HCN1: variants seen among roughly 807,000 people sequenced by gnomAD.
HCN1 encodes potassium/sodium hyperpolarization-activated cyclic nucleotide-gated channel 1.
In HCN1, 13 loss-of-function variants were observed where a neutral mutation model predicts 78.9. That is an observed-to-expected ratio of 0.16 (90% CI 0.11 to 0.26). The LOEUF is 0.26. Among genes scored for constraint, HCN1 ranks in the 10% least tolerant of loss-of-function variants. The probability of loss-of-function intolerance (pLI) is 1.00; values close to 1 mark genes in which losing one functional copy is unlikely to be tolerated. For synonymous variants in HCN1, 552 were observed against 455.5 expected, an observed-to-expected ratio of 1.21 and a Z score of -2.70; for missense variants, 810 against 1,154.3, an observed-to-expected ratio of 0.70 and a Z score of 4.32.
chr5:45,313,126 A>C (rs1234044477), intron 5 of HCN1, among the ~76,000 whole-genome samples: 2 of 152,202 alleles, frequency 1.3e-5, no homozygotes, highest in African/African-American at 4.8e-5. Flanking sequence ...CAGTAGGGGC[A>C]GACTGACACC....
At chr5:45,298,830 T>G (rs1028249057) in intron 6 of HCN1, among the ~76,000 whole-genome samples, 1 of 151,892 alleles carries the variant, frequency 6.6e-6, no homozygotes, top group Non-Finnish European at 1.5e-5. Context: ...AAAAATTAAC[T>G]TTACAATGGA....
At chr5:45,263,598 A>G (rs1744793755) in intron 7 of HCN1, among the ~76,000 whole-genome samples, 1 of 152,086 alleles carries the variant, frequency 6.6e-6, no homozygotes, top group Non-Finnish European at 1.5e-5. Context: ...CTTTTGACCC[A>G]GTGTCTTACA....
At chr5:45,470,075 A>G (rs1741360406) in intron 2 of HCN1, among the ~76,000 whole-genome samples, 1 of 152,052 alleles carries the variant, frequency 6.6e-6, no homozygotes, top group South Asian at 2.1e-4. Flanking sequence ...AAAAACTGTT[A>G]AGATGAAAGC....
intron 2 of HCN1, among the ~76,000 whole-genome samples, chr5:45,500,587 T>G (rs1260223561): frequency 6.6e-6 from 1 of 152,204 alleles, no homozygotes; most frequent in African/African-American, 2.4e-5. Context: ...TATTTTACAA[T>G]ATAGTTTAAA....
At chr5:45,289,341 A>G (rs1463940832) in intron 6 of HCN1, among the ~76,000 whole-genome samples, 1 of 152,070 alleles carries the variant, frequency 6.6e-6, no homozygotes, top group East Asian at 1.9e-4. Context: ...AAGTATATTA[A>G]AAATAAAATT....
chr5:45,395,789 A>G (rs1292757716), intron 4 of HCN1, among the ~76,000 whole-genome samples: 1 of 152,192 alleles, frequency 6.6e-6, no homozygotes, highest in Non-Finnish European at 1.5e-5. Flanking sequence ...TTTGGTCAAG[A>G]ATATTAGTAC....
At position 45,511,760 on chromosome 5, in the gene HCN1, G is replaced by C. The variant is rs561629808; in HGVS notation, c.850-49753C>G. 1.6e-4 allele frequency among the ~76,000 whole-genome samples: 25 copies of C among 152,108 alleles called. No individual in the cohort carries two copies. In the South Asian group the frequency reaches 4.8e-3, roughly 29 times the overall value. On this transcript the variant is annotated intron_variant, in intron 2 of 7. Transcript: ENST00000303230. ...TTTGGTTGGGATCCCAGAAGAGAAA[G>C]AGGACGTTAGACTAAAAAACTAAGC...
chr5:45,319,387 G>T (rs896304989), intron 5 of HCN1, among the ~76,000 whole-genome samples: 11 of 151,816 alleles, frequency 7.2e-5, no homozygotes, highest in African/African-American at 2.7e-4. Context: ...TGGGTAAGTC[G>T]ACATATCTGA....
intron 5 of HCN1, among the ~76,000 whole-genome samples, chr5:45,311,117 T>C (rs1745844199): frequency 6.6e-6 from 1 of 152,152 alleles, no homozygotes; most frequent in Admixed American, 6.5e-5. Context: ...TATCTCCATG[T>C]TCATCTATTT....
chr5:45,687,709 T>C (rs1739835846), intron 1 of HCN1, among the ~76,000 whole-genome samples: 1 of 152,172 alleles, frequency 6.6e-6, no homozygotes, highest in Admixed American at 6.5e-5. Flanking sequence ...ATGAGACTTT[T>C]CTCAAATGTC....
intron 5 of HCN1, among the ~76,000 whole-genome samples, chr5:45,322,074 C>G (rs924703990): frequency 7.2e-5 from 11 of 151,766 alleles, no homozygotes; most frequent in Non-Finnish European, 1.6e-4. Context: ...AATAAGCATC[C>G]TGGTTAATAT....
chr5:45,469,784 AGTGTGTGT>A (rs148412684), intron 2 of HCN1, among the ~76,000 whole-genome samples: 1 of 148,656 alleles, frequency 6.7e-6, no homozygotes, highest in African/African-American at 2.5e-5. Context: ...ATTATAAAGG[AGTGTGTGT>A]GTGTGTGTGT....
At chr5:45,467,595 A>AT (rs556657363) in intron 2 of HCN1, among the ~76,000 whole-genome samples, 6 of 151,930 alleles carry the variant, frequency 3.9e-5, no homozygotes, top group Admixed American at 6.6e-5. Flanking sequence ...GTACTACTTA[A>AT]TTTTTTTTAA....
At chr5:45,674,877 C>T (rs1445593426) in intron 1 of HCN1, among the ~76,000 whole-genome samples, 1 of 151,594 alleles carries the variant, frequency 6.6e-6, no homozygotes, top group Non-Finnish European at 1.5e-5. Context: ...ACCAGGAGTT[C>T]TAGGCCAGCC....
intron 2 of HCN1, among the ~76,000 whole-genome samples, chr5:45,496,002 C>T (rs1263877362): frequency 6.6e-6 from 1 of 152,154 alleles, no homozygotes; most frequent in African/African-American, 2.4e-5. Flanking sequence ...ATTCGGTTTG[C>T]TAGTATTTTA....
chr5:45,564,151 C>G (rs1050726966), intron 2 of HCN1, among the ~76,000 whole-genome samples: 1 of 152,120 alleles, frequency 6.6e-6, no homozygotes, highest in African/African-American at 2.4e-5. Context: ...TCATTCTGCT[C>G]CACAAAGGAA....
intron 2 of HCN1, among the ~76,000 whole-genome samples, chr5:45,621,749 G>A (rs961080160): frequency 2.0e-5 from 3 of 152,034 alleles, no homozygotes; most frequent in Admixed American, 6.5e-5. Flanking sequence ...AAAACATAAC[G>A]AATCTAGTAG....
At chr5:45,539,919 GAT>G (rs66934051) in intron 2 of HCN1, among the ~76,000 whole-genome samples, 2,420 of 125,640 alleles carry the variant, frequency 0.019, 20 homozygotes, top group African/African-American at 0.034. Context: ...TAAATTGTGA[GAT>G]ATATATATAT....
At chr5:45,525,571 G>T (rs2111790845) in intron 2 of HCN1, among the ~76,000 whole-genome samples, 1 of 151,776 alleles carries the variant, frequency 6.6e-6, no homozygotes, top group Admixed American at 6.6e-5. Flanking sequence ...ACAAAATAGG[G>T]AGTAATAAAT....
Sources: gnomAD v4.1 joint callset for allele counts (sites outside exome capture counted in the v4.1 genomes callset) on GRCh38, gnomAD v4.1.1 for gene constraint, MANE v1.5 for transcripts, NCBI Gene and HGNC (gene_info 2026-07-23, HGNC 2026-07-21) for gene names.